The following DOK6 variants were observed in gnomAD, a reference collection of about 807,000 sequenced individuals.
DOK6 encodes docking protein 6.
DOK6 carries 22 observed loss-of-function variants against 44.0 expected under a neutral mutation model. That is an observed-to-expected ratio of 0.50 (90% confidence interval 0.36 to 0.71). The LOEUF is 0.71. Among genes scored for constraint, DOK6 ranks in the 30% least tolerant of loss-of-function variants. DOK6 has a pLI of 0.00. For synonymous variants in DOK6, 166 were observed against 145.5 expected (o/e 1.14, Z -1.01); for missense variants, 340 against 416.4 (o/e 0.82, Z 1.60).
intron 1 of DOK6, among the ~76,000 whole-genome samples, chr18:69,535,625 A>C (rs190272530): frequency 1.8e-3 from 258 of 139,684 alleles, no homozygotes; most frequent in African/African-American, 4.8e-3. Context: ...ATGATAATGG[A>C]CATTATCATC....
intron 7 of DOK6, among the ~76,000 whole-genome samples, chr18:69,761,749 A>C (rs527298052): frequency 5.9e-5 from 9 of 152,262 alleles, no homozygotes; most frequent in Admixed American, 2.0e-4. Flanking sequence ...TGACTCTTGA[A>C]TATTGAGAGG....
intron 7 of DOK6, among the ~76,000 whole-genome samples, chr18:69,758,957 C>A (rs894261323): frequency 1.3e-5 from 2 of 152,046 alleles, no homozygotes; most frequent in African/African-American, 2.4e-5. Flanking sequence ...TAATGGAGTT[C>A]GATCATGGAA....
intron 1 of DOK6, among the ~76,000 whole-genome samples, chr18:69,458,608 C>T (rs981489576): frequency 2.0e-5 from 3 of 152,058 alleles, no homozygotes; most frequent in African/African-American, 7.2e-5. Flanking sequence ...TATTTCTCTT[C>T]ACTATCAATA....
rs62090546 is a variant in DOK6 at position 69,842,161 on chromosome 18, G to C, written c.*778G>C. 1 of 138,378 alleles carries C rather than the reference G, an allele frequency of 7.2e-6. No homozygotes were observed. The highest frequency in any genetic ancestry group is 2.3e-4 in the South Asian group (1 of 4,294). The allele number at this position is 138,378 out of a possible 1,614,324, so 8.6% of individuals were successfully genotyped here. On this transcript the variant is annotated 3_prime_UTR_variant, in exon 8 of 8. Coordinates refer to ENST00000382713, the MANE Select transcript of DOK6 (RefSeq NM_152721.6). ...TGCTGTAAAAAAAAAAAAAAAAAAG[G>C]CTTCTTATTAGCAAAAGTATATGTA... is the stretch of plus-strand genomic sequence containing the variant.
At chr18:69,837,714 C>T (rs1982093464) in intron 7 of DOK6, among the ~76,000 whole-genome samples, 1 of 151,754 alleles carries the variant, frequency 6.6e-6, no homozygotes, top group Admixed American at 6.6e-5. Context: ...TATATTCTCC[C>T]CATGCAGAAA....
intron 1 of DOK6, among the ~76,000 whole-genome samples, chr18:69,435,064 AAGGAAG>A (rs1978934707): frequency 1.3e-5 from 2 of 150,140 alleles, no homozygotes; most frequent in Non-Finnish European, 3.0e-5. Context: ...GGAAGGAAGG[AAGGAAG>A]GAAGGAAGGA....
At chr18:69,743,606 C>T (rs1481898045) in intron 6 of DOK6, among the ~76,000 whole-genome samples, 1 of 151,698 alleles carries the variant, frequency 6.6e-6, no homozygotes. Context: ...CTTTTATGTT[C>T]TAAAGCAATT....
Position 69,677,907 on chromosome 18 carries a change from T to G in DOK6, c.409+54T>G. 1.9e-6 allele frequency: 3 copies of G among 1,572,264 alleles called. No homozygotes were observed. In the South Asian group the frequency reaches 3.4e-5, roughly 18 times the overall value. On this transcript the variant is annotated intron_variant, in intron 4 of 7. Coordinates refer to ENST00000382713, the MANE Select transcript of DOK6 (RefSeq NM_152721.6). The stretch of plus-strand genomic sequence containing the variant: ...CAGAATACCCTTGTAATTGTAGAAC[T>G]TTGAAACTGGAAAGGATCTCAGAAA...
chr18:69,467,128 C>T (rs1979951262), intron 1 of DOK6, among the ~76,000 whole-genome samples: 1 of 152,020 alleles, frequency 6.6e-6, no homozygotes, highest in Non-Finnish European at 1.5e-5. Flanking sequence ...AACTATTAGC[C>T]ACTGCCTTAT....
chr18:69,717,551 C>G (rs1986911600), intron 5 of DOK6, among the ~76,000 whole-genome samples: 1 of 152,178 alleles, frequency 6.6e-6, no homozygotes, highest in South Asian at 2.1e-4. Flanking sequence ...GAGGAGGGAG[C>G]ATGCCATGGC....
intron 1 of DOK6, among the ~76,000 whole-genome samples, chr18:69,414,128 C>G (rs1655880285): frequency 6.6e-6 from 1 of 152,026 alleles, no homozygotes; most frequent in South Asian, 2.1e-4. Context: ...AGCTGGGTCA[C>G]TCATTACTGG....
chr18:69,722,061 C>T (rs1040493657), intron 5 of DOK6, among the ~76,000 whole-genome samples: 2 of 152,138 alleles, frequency 1.3e-5, no homozygotes, highest in East Asian at 1.9e-4. Context: ...TCAAAAAAGA[C>T]GTGGTGTTAT....
chr18:69,446,350 T>A (rs968215274), intron 1 of DOK6, among the ~76,000 whole-genome samples: 12 of 151,956 alleles, frequency 7.9e-5, no homozygotes, highest in Non-Finnish European at 1.8e-4. Context: ...AATGATGGTT[T>A]CCAGCTTCAT....
intron 1 of DOK6, among the ~76,000 whole-genome samples, chr18:69,409,644 G>A (rs1161128003): frequency 6.6e-6 from 1 of 152,090 alleles, no homozygotes; most frequent in East Asian, 1.9e-4. Flanking sequence ...ACCATTTTAT[G>A]TCTACATTGG....
chr18:69,845,183 A>G lies in DOK6; in HGVS notation c.*3800A>G, dbSNP rs888829612. The G allele has an allele frequency of 6.6e-6, 1 of 152,220 alleles. No individual in the cohort carries two copies. The highest frequency in any genetic ancestry group is 1.5e-5 in the Non-Finnish European group (1 of 68,032). 9.4% of individuals were successfully genotyped at this position (152,220 alleles called of 1,614,324 possible). A position where few individuals can be genotyped will look rare whatever the true frequency, so the allele number is the denominator to read the frequency against. ...GTGATACAGTGAAAACAAGCTAAGG[A>G]AATGATATTCTCCTAAAAAGTTATA... On this transcript the variant is annotated 3_prime_UTR_variant, in exon 8 of 8. Coordinates refer to ENST00000382713, the MANE Select transcript of DOK6 (RefSeq NM_152721.6).
At chr18:69,454,912 G>A (rs778825774) in intron 1 of DOK6, among the ~76,000 whole-genome samples, 3 of 127,108 alleles carry the variant, frequency 2.4e-5, no homozygotes, top group Non-Finnish European at 4.9e-5. Context: ...ACTGTGGTGG[G>A]GTGGGGGGAG....
chr18:69,768,954 C>CGTGCGTGTGTGTGT (rs74175387), intron 7 of DOK6, among the ~76,000 whole-genome samples: 3 of 142,590 alleles, frequency 2.1e-5, no homozygotes, highest in Admixed American at 7.1e-5. Context: ...GAAGGGTGTG[C>CGTGCGTGTGTGTGT]GTGTGTGTGT....
At chr18:69,554,414 T>C (rs141359475) in intron 1 of DOK6, among the ~76,000 whole-genome samples, 5 of 152,328 alleles carry the variant, frequency 3.3e-5, no homozygotes, top group South Asian at 2.1e-4. Context: ...GAGGAATTTA[T>C]AGAAATAATC....
intron 7 of DOK6, among the ~76,000 whole-genome samples, chr18:69,759,361 A>T (rs368115379): frequency 4.0e-5 from 6 of 151,896 alleles, no homozygotes; most frequent in African/African-American, 1.5e-4. Context: ...TTATTTAAAC[A>T]TATGTTTAAA....
Sources: gnomAD v4.1 joint callset for allele counts (sites outside exome capture counted in the v4.1 genomes callset) on GRCh38, gnomAD v4.1.1 for gene constraint, MANE v1.5 for transcripts, NCBI Gene and HGNC (gene_info 2026-07-23, HGNC 2026-07-21) for gene names.